PTPRM: variants seen among roughly 807,000 people sequenced by gnomAD.
PTPRM encodes receptor-type tyrosine-protein phosphatase mu.
A neutral mutation model predicts 186.7 loss-of-function variants in PTPRM; 47 were observed. The observed-to-expected ratio is 0.25, with a 90% CI of 0.20 to 0.32. The LOEUF (loss-of-function observed/expected upper bound fraction) is 0.32. Among genes scored for constraint, PTPRM ranks in the 10% least tolerant of loss-of-function variants. The pLI is 1.00. For missense variants in PTPRM, 1,494 were observed against 1,865.0 expected (o/e 0.80, Z 3.66); for synonymous variants, 668 against 674.9 (o/e 0.99, Z 0.16).
intron 3 of PTPRM, among the ~76,000 whole-genome samples, chr18:7,903,924 A>G (rs1323463322): frequency 6.6e-6 from 1 of 152,230 alleles, no homozygotes; most frequent in Non-Finnish European, 1.5e-5. Flanking sequence ...AAGTGAAAAC[A>G]TCATATTTGG....
At chr18:8,018,648 T>A (rs111670637) in intron 7 of PTPRM, among the ~76,000 whole-genome samples, 4,223 of 152,332 alleles carry the variant, frequency 0.028, 115 homozygotes, top group African/African-American at 0.07. Flanking sequence ...TTTTTTTATG[T>A]AAAATTGTTG....
intron 2 of PTPRM, among the ~76,000 whole-genome samples, chr18:7,847,189 C>G: frequency 7.3e-6 from 1 of 137,058 alleles, no homozygotes; most frequent in East Asian, 2.2e-4. Context: ...TTTTTTTTGA[C>G]AGAGTATCAC....
At chr18:8,178,547 G>C (rs889240601) in intron 14 of PTPRM, among the ~76,000 whole-genome samples, 2 of 152,106 alleles carry the variant, frequency 1.3e-5, no homozygotes, top group Non-Finnish European at 2.9e-5. Flanking sequence ...ACTTTGGGAG[G>C]CCGAGGCAGG....
At chr18:8,255,222 T>G (rs1223556662) in intron 19 of PTPRM, among the ~76,000 whole-genome samples, 2 of 152,236 alleles carry the variant, frequency 1.3e-5, no homozygotes, top group African/African-American at 4.8e-5. Context: ...CTAGGTTCTA[T>G]CCAATATTCT....
chr18:7,918,915 A>G (rs1475356595), intron 4 of PTPRM, among the ~76,000 whole-genome samples: 19 of 152,166 alleles, frequency 1.2e-4, no homozygotes, highest in Non-Finnish European at 1.5e-5. Flanking sequence ...TAGTAGTTTC[A>G]TAGCTTCAGG....
At chr18:7,931,060 C>A (rs1289821429) in intron 5 of PTPRM, among the ~76,000 whole-genome samples, 1 of 152,038 alleles carries the variant, frequency 6.6e-6, no homozygotes, top group Non-Finnish European at 1.5e-5. Flanking sequence ...AGTAGGAAGA[C>A]AACATCTGTA....
intron 1 of PTPRM, among the ~76,000 whole-genome samples, chr18:7,614,053 C>T (rs2037744459): frequency 6.6e-6 from 1 of 152,168 alleles, no homozygotes; most frequent in African/African-American, 2.4e-5. Context: ...GCCGATGGTG[C>T]ATACATCACA....
At chr18:8,289,824 G>A (rs1475359798) in intron 19 of PTPRM, among the ~76,000 whole-genome samples, 1 of 151,916 alleles carries the variant, frequency 6.6e-6, no homozygotes, top group African/African-American at 2.4e-5. Flanking sequence ...GAGATTAGCA[G>A]CTTCTTTAAA....
chr18:8,331,716 G>T (rs2095413224), intron 22 of PTPRM, among the ~76,000 whole-genome samples: 1 of 152,134 alleles, frequency 6.6e-6, no homozygotes, highest in South Asian at 2.1e-4. Flanking sequence ...TGTATCAAAG[G>T]GAGCCACTTA....
chr18:7,730,574 A>G lies in PTPRM; in HGVS notation c.74-43575A>G, dbSNP rs189663065. On this transcript the variant is annotated intron_variant, in intron 1 of 32. Transcript: ENST00000580170. ...ATTATCCACAGTGTAGCTGGTCTGT[A>G]TCACTCTTCATTCGAATTTAGAATA... 1.1e-4 allele frequency among the ~76,000 whole-genome samples: 16 copies of G among 152,348 alleles called. No homozygotes were observed. In the East Asian group the frequency reaches 3.1e-3, roughly 29 times the overall value.
chr18:8,114,761 A>C (rs780569293), intron 12 of PTPRM, 30 bp from the exon 13 acceptor site: 7 of 1,570,754 alleles, frequency 4.5e-6, no homozygotes, highest in African/African-American at 2.7e-5. Flanking sequence ...AACATGAATA[A>C]TGATTTTTCC....
intron 23 of PTPRM, among the ~76,000 whole-genome samples, chr18:8,344,889 A>G (rs1464792536): frequency 6.6e-6 from 1 of 152,154 alleles, no homozygotes; most frequent in Non-Finnish European, 1.5e-5. Flanking sequence ...CCTCAGAGAA[A>G]GGGCAAACTG....
chr18:8,248,023 G>C, intron 16 of PTPRM, 104 bp downstream of exon 16: 8 of 1,358,668 alleles, frequency 5.9e-6, no homozygotes, highest in Non-Finnish European at 8.4e-6. Flanking sequence ...TACTGTGTTT[G>C]AGATGTTGTA....
At chr18:7,714,219 A>G (rs2040274135) in intron 1 of PTPRM, among the ~76,000 whole-genome samples, 1 of 152,218 alleles carries the variant, frequency 6.6e-6, no homozygotes, top group Admixed American at 6.5e-5. Context: ...AAACTCACTG[A>G]AAGTCGCACA....
chr18:8,250,559 C>T (rs2094518702), intron 17 of PTPRM, among the ~76,000 whole-genome samples: 2 of 151,962 alleles, frequency 1.3e-5, no homozygotes, highest in South Asian at 2.1e-4. Flanking sequence ...GCAGGAAGAT[C>T]GCTTGAGGCC....
chr18:8,390,126 C>G (rs752686455), intron 31 of PTPRM, among the ~76,000 whole-genome samples: 87 of 152,176 alleles, frequency 5.7e-4, no homozygotes, highest in Non-Finnish European at 1.2e-3. Context: ...AACAGCTAAT[C>G]TTCTAATTAG....
chr18:8,289,714 G>A lies in PTPRM; in HGVS notation c.2755-6654G>A, dbSNP rs1337347623. Among the ~76,000 whole-genome samples the A allele has an allele frequency of 7.3e-5, 11 of 150,792 alleles. No individual in the cohort carries two copies. In the East Asian group the frequency reaches 1.6e-3, roughly 21 times the overall value. ...ATTAGGTAAAGGAAGATAATTGTAC[G>A]ATAACAATTGCCGAGATCATGATGG... On this transcript the variant is annotated intron_variant, in intron 19 of 32. Transcript: ENST00000580170.
intron 1 of PTPRM, among the ~76,000 whole-genome samples, chr18:7,752,687 C>T (rs2041277321): frequency 6.6e-6 from 1 of 152,086 alleles, no homozygotes; most frequent in Admixed American, 6.6e-5. Flanking sequence ...AGGTGATCCG[C>T]CTACCTCGGC....
intron 19 of PTPRM, among the ~76,000 whole-genome samples, chr18:8,262,222 C>A (rs901957370): frequency 6.6e-6 from 1 of 152,194 alleles, no homozygotes; most frequent in Non-Finnish European, 1.5e-5. Flanking sequence ...CTTGTCTGTG[C>A]CATCGGAAGA....
Sources: allele counts gnomAD v4.1 joint callset (sites outside exome capture counted in the v4.1 genomes callset), GRCh38; gene constraint gnomAD v4.1.1; transcripts MANE v1.5; gene names NCBI Gene and HGNC (gene_info 2026-07-23, HGNC 2026-07-21).